Variants in NTRK3 observed in about 807,000 individuals in gnomAD.
The protein encoded by NTRK3 is neurotrophic receptor tyrosine kinase 3.
NTRK3 carries 24 observed loss-of-function variants against 91.7 expected under a neutral mutation model. The observed-to-expected ratio is 0.26, with a 90% CI of 0.19 to 0.37. The LOEUF (loss-of-function observed/expected upper bound fraction) is 0.37. NTRK3 is among the 10% of genes least tolerant of loss of function. The pLI is 1.00. For missense variants in NTRK3, 880 were observed against 1,068.9 expected (o/e 0.82, Z 2.46); for synonymous variants, 483 against 404.0 (o/e 1.20, Z -2.34).
At chr15:88,072,382 G>A in intron 13 of NTRK3, 1 of 205,648 alleles carries the variant, frequency 4.9e-6, no homozygotes, top group Non-Finnish European at 9.9e-6. Context: ...TCAGCTCAGG[G>A]CTGATTTTGG....
intron 14 of NTRK3, chr15:87,979,115 C>T (rs1255156889): frequency 6.7e-6 from 4 of 599,702 alleles, no homozygotes; most frequent in African/African-American, 1.9e-5. Context: ...GCCTCGTAGG[C>T]CGGGAAAAAA....
chr15:87,941,710 G>A (rs1596333041), intron 14 of NTRK3, among the ~76,000 whole-genome samples: 1 of 152,188 alleles, frequency 6.6e-6, no homozygotes, highest in Non-Finnish European at 1.5e-5. Context: ...GAGAAGGGTT[G>A]CCCCTGCCTC....
chr15:88,256,738 G>A (rs1207779716), exon 1 of NTRK3: 1 of 340,016 alleles, frequency 2.9e-6, no homozygotes, highest in African/African-American at 2.1e-5. Context: ...ATGTACAAGT[G>A]CTCCGAGCCT....
chr15:88,172,639 AG>A (rs1168614420), intron 5 of NTRK3, among the ~76,000 whole-genome samples: 1 of 152,238 alleles, frequency 6.6e-6, no homozygotes, highest in African/African-American at 2.4e-5. Flanking sequence ...AGAAGAGGTT[AG>A]GGTTTTCGAC....
In NTRK3 at chr15:88,255,894, C is replaced by A. The variant is rs200225600; in HGVS notation, c.248+12G>T. On this transcript the variant is annotated intron_variant, in intron 3 of 18. Transcript: ENST00000394480. This position sits in a 1 kb window ranked among gnomAD's most constrained non-coding sequence, Gnocchi z 4.3. ...CGGGGGAGGCAGGCTGGGGAGCGGC[C>A]GCCTGACTTACATGGAAGTGATATT... 2 of 1,598,520 alleles carry A rather than the reference C, an allele frequency of 1.3e-6. No individual in the cohort carries two copies. The highest frequency in any genetic ancestry group is 1.7e-6 in the Non-Finnish European group (2 of 1,169,350).
chr15:88,193,819 C>T (rs942437348), intron 3 of NTRK3, among the ~76,000 whole-genome samples: 14 of 152,140 alleles, frequency 9.2e-5, no homozygotes, highest in Admixed American at 4.6e-4. Context: ...TTTAGGAAAG[C>T]TCATCTACAA....
chr15:87,912,931 AATATATATATATATATAT>A (rs58367924), intron 17 of NTRK3, among the ~76,000 whole-genome samples: 19 of 36,502 alleles, frequency 5.2e-4, no homozygotes, highest in Non-Finnish European at 7.5e-4. Context: ...AGTAAAAAAA[AATATATATATATATATAT>A]ATATATATAT....
At chr15:88,080,019 C>T (rs971338494) in intron 13 of NTRK3, among the ~76,000 whole-genome samples, 1 of 151,966 alleles carries the variant, frequency 6.6e-6, no homozygotes, top group Non-Finnish European at 1.5e-5. Context: ...TTTTTCATGT[C>T]TTTACATATT....
At chr15:88,049,958 T>C (rs1417319449) in intron 13 of NTRK3, among the ~76,000 whole-genome samples, 4 of 152,234 alleles carry the variant, frequency 2.6e-5, no homozygotes, top group East Asian at 3.8e-4. Flanking sequence ...CTGACGCTCA[T>C]AGATGCAAAA....
At chr15:87,882,085 G>A (rs572782076) in intron 17 of NTRK3, among the ~76,000 whole-genome samples, 6 of 151,898 alleles carry the variant, frequency 4.0e-5, no homozygotes, top group East Asian at 2.0e-4. Context: ...CAGTAGAGAC[G>A]GGGTTTCACC....
chr15:88,161,036 C>T (rs2044404416), intron 5 of NTRK3, among the ~76,000 whole-genome samples: 1 of 152,152 alleles, frequency 6.6e-6, no homozygotes, highest in Non-Finnish European at 1.5e-5. Flanking sequence ...TGTCAAATGC[C>T]CAACACAGTG....
exon 17 of NTRK3, chr15:87,929,241 T>A (rs2068583648): frequency 6.2e-7 from 1 of 1,613,822 alleles, no homozygotes; most frequent in Admixed American, 1.7e-5. Flanking sequence ...AAGTCCCCAA[T>A]CTTCACTAGC....
intron 14 of NTRK3, among the ~76,000 whole-genome samples, chr15:88,004,347 G>C (rs2076336363): frequency 6.6e-6 from 1 of 152,148 alleles, no homozygotes; most frequent in Non-Finnish European, 1.5e-5. Flanking sequence ...TTTTGCATGT[G>C]CTGTAAACAA....
chr15:88,095,116 A>T (rs888803747), intron 13 of NTRK3, among the ~76,000 whole-genome samples: 1 of 152,192 alleles, frequency 6.6e-6, no homozygotes, highest in Non-Finnish European at 1.5e-5. Context: ...AATGACATTC[A>T]ATCACTGCAA....
chr15:88,026,288 A>T lies in NTRK3; in HGVS notation c.1585+6569T>A, dbSNP rs887206951. ...TCCGTTTCAAAATAAATAAATAAGT[A>T]AATAAAATAAAAAATAAAAAAATAA... On this transcript the variant is annotated intron_variant, in intron 14 of 18. Transcript: ENST00000394480. Among the ~76,000 whole-genome samples the T allele has an allele frequency of 1.4e-4, 21 of 152,128 alleles. 1 individual carries two copies. Among genetic ancestry groups the T allele is most frequent in the Non-Finnish European group, 2.9e-5 (2 of 68,030 alleles).
intron 13 of NTRK3, among the ~76,000 whole-genome samples, chr15:88,055,186 G>A (rs1217037134): frequency 6.6e-6 from 1 of 152,158 alleles, no homozygotes; most frequent in Admixed American, 6.5e-5. Context: ...AGAGGAACTC[G>A]AAGCTCTTTG....
At chr15:88,011,993 A>G (rs992805310) in intron 14 of NTRK3, among the ~76,000 whole-genome samples, 7 of 152,190 alleles carry the variant, frequency 4.6e-5, no homozygotes, top group African/African-American at 1.7e-4. Context: ...TCCTCCCATT[A>G]GTCCCACCTT....
chr15:88,218,385 T>C (rs12591265), intron 3 of NTRK3, among the ~76,000 whole-genome samples: 125,439 of 151,878 alleles, frequency 0.83, 52,503 homozygotes, highest in East Asian at 0.99. Flanking sequence ...CTACCACTTA[T>C]CAGCTCTGTG....
At chr15:87,875,195 C>T (rs888280986) in exon 19 of NTRK3, 1 of 231,038 alleles carries the variant, frequency 4.3e-6, no homozygotes, top group Non-Finnish European at 8.6e-6. Flanking sequence ...GCCAGAGGCC[C>T]CCGGGAGGTG....
Sources: allele counts gnomAD v4.1 joint callset (sites outside exome capture counted in the v4.1 genomes callset), GRCh38; gene constraint gnomAD v4.1.1; non-coding constraint Gnocchi (gnomAD v3.1); transcripts MANE v1.5; gene names NCBI Gene and HGNC (gene_info 2026-07-23, HGNC 2026-07-21).